FOXP1: variants seen among roughly 807,000 people sequenced by gnomAD.
The protein encoded by FOXP1 is forkhead box protein P1.
A neutral mutation model predicts 98.2 loss-of-function variants in FOXP1; 15 were observed. That is an observed-to-expected ratio of 0.15 (90% CI 0.10 to 0.24). The LOEUF (loss-of-function observed/expected upper bound fraction) is 0.24. Ranked by LOEUF, FOXP1 falls within the 10% of genes least tolerant of loss-of-function variation. FOXP1 has a pLI of 1.00. For synonymous variants in FOXP1, 371 were observed against 314.5 expected, an observed-to-expected ratio of 1.18 and a Z score of -1.90; for missense variants, 633 against 848.5, an observed-to-expected ratio of 0.75 and a Z score of 3.15.
chr3:71,012,190 C>G (rs2043751563), intron 12 of FOXP1, among the ~76,000 whole-genome samples: 1 of 152,164 alleles, frequency 6.6e-6, no homozygotes, highest in African/African-American at 2.4e-5. Flanking sequence ...AGATGTTTAT[C>G]AGCCATTCTA....
intron 3 of FOXP1, among the ~76,000 whole-genome samples, chr3:71,409,342 T>A (rs1287530414): frequency 6.6e-6 from 1 of 152,166 alleles, no homozygotes; most frequent in Non-Finnish European, 1.5e-5. Flanking sequence ...GGGAGTAGTT[T>A]TGGCCACTGC....
intron 5 of FOXP1, among the ~76,000 whole-genome samples, chr3:71,269,363 A>C (rs1237077475): frequency 1.3e-5 from 2 of 152,164 alleles, no homozygotes; most frequent in Non-Finnish European, 2.9e-5. Context: ...ATTCTGCAAA[A>C]CTAAACTTAA....
chr3:71,249,011 C>T (rs528253056), intron 5 of FOXP1, among the ~76,000 whole-genome samples: 40 of 152,346 alleles, frequency 2.6e-4, no homozygotes, highest in Non-Finnish European at 4.9e-4. Context: ...AGCCCCAGCA[C>T]TTTCTGAATC....
At chr3:71,555,760 G>A (rs918484878) in intron 2 of FOXP1, among the ~76,000 whole-genome samples, 10 of 152,032 alleles carry the variant, frequency 6.6e-5, no homozygotes, top group African/African-American at 1.7e-4. Context: ...AAAATTTAGC[G>A]TATACTACAG....
chr3:71,394,366 T>G (rs1224774332), intron 3 of FOXP1, among the ~76,000 whole-genome samples: 1 of 152,204 alleles, frequency 6.6e-6, no homozygotes, highest in African/African-American at 2.4e-5. Flanking sequence ...CAGTGGTCAT[T>G]TGTTCTTAAA....
chr3:71,053,193 A>C (rs761819491), intron 8 of FOXP1, among the ~76,000 whole-genome samples: 25 of 152,208 alleles, frequency 1.6e-4, no homozygotes, highest in Non-Finnish European at 2.9e-4. Context: ...TCAACTCTGG[A>C]CCTTAAAATT....
chr3:71,018,952 G>T (rs1435701229), intron 11 of FOXP1, among the ~76,000 whole-genome samples: 2 of 152,162 alleles, frequency 1.3e-5, no homozygotes, highest in African/African-American at 4.8e-5. Flanking sequence ...CCAGTCTGCT[G>T]AGTGCTCTAA....
intron 3 of FOXP1, among the ~76,000 whole-genome samples, chr3:71,390,191 T>C (rs1367265197): frequency 6.6e-6 from 1 of 152,190 alleles, no homozygotes; most frequent in Admixed American, 6.5e-5. Context: ...ACGCAATGCC[T>C]TCACCTTGCA....
At chr3:71,048,182 G>A (rs1021793125) in intron 9 of FOXP1, among the ~76,000 whole-genome samples, 1 of 152,008 alleles carries the variant, frequency 6.6e-6, no homozygotes, top group African/African-American at 2.4e-5. Context: ...CAAGATCAGT[G>A]TTCCTAATTC....
chr3:71,291,911 T>C lies in FOXP1; in HGVS notation c.-12+7909A>G, dbSNP rs1560253541. Reference sequence around the variant, plus strand: ...TAGTAGAGATGGGGTTTCACCATGTTGGCCAGGATGATTTTGATCTCTTGA... The same window carrying C: ...TAGTAGAGATGGGGTTTCACCATGTCGGCCAGGATGATTTTGATCTCTTGA... On this transcript the variant is annotated intron_variant, in intron 5 of 20. Transcript: ENST00000649528. 3.9e-5 allele frequency among the ~76,000 whole-genome samples: 6 copies of C among 152,020 alleles called. No individual in the cohort carries two copies. In the South Asian group the frequency reaches 1.2e-3, roughly 32 times the overall value.
At chr3:70,993,316 G>T (rs188829826) in intron 13 of FOXP1, among the ~76,000 whole-genome samples, 1 of 152,172 alleles carries the variant, frequency 6.6e-6, no homozygotes, top group Non-Finnish European at 1.5e-5. Flanking sequence ...ACAGAGCTCC[G>T]CAAGGCAGAG....
intron 14 of FOXP1, among the ~76,000 whole-genome samples, chr3:70,980,179 G>A (rs748076953): frequency 2.6e-5 from 4 of 152,170 alleles, no homozygotes; most frequent in Non-Finnish European, 5.9e-5. Flanking sequence ...GCAGAGCTGA[G>A]AAGCCAAGGG....
chr3:71,061,228 T>C (rs185051099), intron 7 of FOXP1, among the ~76,000 whole-genome samples: 45 of 152,212 alleles, frequency 3.0e-4, no homozygotes, highest in African/African-American at 1.0e-3. Context: ...AACAAACCTT[T>C]TATCAAACAA....
intron 5 of FOXP1, among the ~76,000 whole-genome samples, chr3:71,280,588 T>A (rs1472209758): frequency 3.3e-5 from 5 of 152,188 alleles, no homozygotes; most frequent in South Asian, 2.1e-4. Flanking sequence ...CCTCCCAAAG[T>A]GCTGGGATTA....
chr3:71,028,549 T>G (rs2046436187), intron 11 of FOXP1, among the ~76,000 whole-genome samples: 1 of 152,222 alleles, frequency 6.6e-6, no homozygotes, highest in African/African-American at 2.4e-5. Flanking sequence ...GCTACAGGTA[T>G]CGACAACAGC....
At chr3:71,003,388 T>C (rs1344459338) in intron 12 of FOXP1, among the ~76,000 whole-genome samples, 1 of 152,074 alleles carries the variant, frequency 6.6e-6, no homozygotes, top group Non-Finnish European at 1.5e-5. Flanking sequence ...TATATATAAA[T>C]GAATAAACCC....
intron 3 of FOXP1, among the ~76,000 whole-genome samples, chr3:71,472,251 T>C (rs2089430224): frequency 6.6e-6 from 1 of 152,124 alleles, no homozygotes; most frequent in African/African-American, 2.4e-5. Context: ...AATTCCCCTA[T>C]TTAACTGTGT....
At chr3:71,064,834 C>A (rs1459994293) in intron 7 of FOXP1, 1 of 983,730 alleles carries the variant, frequency 1.0e-6, no homozygotes, top group African/African-American at 1.8e-5. Context: ...CTGACACTCT[C>A]CATGTAGCCG....
At chr3:71,476,494 G>A (rs1179366194) in intron 3 of FOXP1, among the ~76,000 whole-genome samples, 1 of 151,940 alleles carries the variant, frequency 6.6e-6, no homozygotes, top group East Asian at 1.9e-4. Flanking sequence ...CCATTTCATT[G>A]CAGAATGAGT....
Sources: gnomAD v4.1 joint callset for allele counts (sites outside exome capture counted in the v4.1 genomes callset) on GRCh38, gnomAD v4.1.1 for gene constraint, MANE v1.5 for transcripts, NCBI Gene and HGNC (gene_info 2026-07-23, HGNC 2026-07-21) for gene names.